The following GAPVD1 variants were observed in gnomAD, a reference collection of about 807,000 sequenced individuals.
GAPVD1 encodes the protein GTPase-activating protein and VPS9 domain-containing protein 1.
Under a neutral mutation model 155.5 loss-of-function variants are expected in GAPVD1, and 35 were observed. That is an observed-to-expected ratio of 0.23 (90% CI 0.17 to 0.30). The LOEUF is 0.30. Ranked by LOEUF, GAPVD1 falls within the 10% of genes least tolerant of loss-of-function variation. GAPVD1 has a pLI of 1.00. For missense variants in GAPVD1, 1,429 were observed against 1,775.7 expected (o/e 0.80, Z 3.51); for synonymous variants, 636 against 619.7 (o/e 1.03, Z -0.39).
intron 2 of GAPVD1, among the ~76,000 whole-genome samples, chr9:125,287,264 G>A (rs1379620301): frequency 2.6e-5 from 4 of 151,792 alleles, no homozygotes; most frequent in Admixed American, 1.3e-4. Context: ...TGGGCCGGGC[G>A]CAGTGGCTCA....
intron 10 of GAPVD1, among the ~76,000 whole-genome samples, chr9:125,323,200 G>A (rs13290401): frequency 0.47 from 71,154 of 151,426 alleles, 16,829 homozygotes; most frequent in Middle Eastern, 0.58. Context: ...TTTGCCTCCC[G>A]GGTTCAAGCA....
chr9:125,291,635 T>C (rs1201496031), intron 2 of GAPVD1, among the ~76,000 whole-genome samples: 1 of 151,398 alleles, frequency 6.6e-6, no homozygotes, highest in Non-Finnish European at 1.5e-5. Context: ...GGATGATAGG[T>C]GGTATGGTTT....
In GAPVD1 at chr9:125,366,296, C is replaced by G. The variant is rs1211625726; in HGVS notation, c.*3550C>G. 6.6e-6 allele frequency: 1 copy of G among 152,190 alleles called. No individual in the cohort carries two copies. Among genetic ancestry groups the G allele is most frequent in the African/African-American group, 2.4e-5 (1 of 41,446 alleles). 9.4% of individuals were successfully genotyped at this position (152,190 alleles called of 1,614,324 possible). A position where few individuals can be genotyped will look rare whatever the true frequency, so the allele number is the denominator to read the frequency against. On this transcript the variant is annotated 3_prime_UTR_variant, in exon 28 of 28. Transcript: ENST00000297933. Reference sequence around the variant, plus strand: ...CTGACTGGTGTGCTGAACCCGGGCACTCTTTTTCCTATTGTTTGCCATGGA... The same window carrying G: ...CTGACTGGTGTGCTGAACCCGGGCAGTCTTTTTCCTATTGTTTGCCATGGA...
intron 1 of GAPVD1, among the ~76,000 whole-genome samples, chr9:125,267,891 A>G (rs1267758434): frequency 5.9e-5 from 9 of 151,812 alleles, no homozygotes; most frequent in African/African-American, 1.7e-4. Context: ...GGCCAGGCAC[A>G]GTGGCTCACA....
chr9:125,307,594 A>G lies in GAPVD1; in HGVS notation c.1251+47A>G, dbSNP rs1168049671. On this transcript the variant is annotated intron_variant, in intron 7 of 27. Transcript: ENST00000297933. ...AGAATTTCTCGAAAGTCTTTTAGCT[A>G]AGCGTGAGCAAAAACATACATGAGT... is the stretch of plus-strand genomic sequence containing the variant. 4 of 1,584,344 alleles carry G rather than the reference A, an allele frequency of 2.5e-6. No homozygotes were observed. In the South Asian group the frequency reaches 4.5e-5, roughly 18 times the overall value.
intron 23 of GAPVD1, 83 bp downstream of exon 23, chr9:125,350,955 T>G: frequency 9.1e-7 from 1 of 1,103,902 alleles, no homozygotes; most frequent in South Asian, 1.5e-5. Flanking sequence ...CAGAAATGAA[T>G]CTAGGCTTCC....
At chr9:125,356,480 C>G (rs1850102931) in intron 25 of GAPVD1, among the ~76,000 whole-genome samples, 1 of 152,052 alleles carries the variant, frequency 6.6e-6, no homozygotes, top group Admixed American at 6.6e-5. Context: ...AAAATTCTCC[C>G]CTGTTCTTTT....
At chr9:125,288,070 GTTGTTTTTAATGTT>G (rs1837999714) in intron 2 of GAPVD1, among the ~76,000 whole-genome samples, 1 of 149,886 alleles carries the variant, frequency 6.7e-6, no homozygotes, top group Admixed American at 6.7e-5. Flanking sequence ...ACTTCCAGAT[GTTGTTTTTAATGTT>G]TTTGGTGCAG....
chr9:125,275,541 G>A (rs1293627127), intron 2 of GAPVD1, among the ~76,000 whole-genome samples: 2 of 152,056 alleles, frequency 1.3e-5, no homozygotes, highest in Admixed American at 6.6e-5. Context: ...TTGAGCCCAG[G>A]AGTTTGAGGC....
At chr9:125,305,499 T>C (rs1318061687) in intron 6 of GAPVD1, among the ~76,000 whole-genome samples, 2 of 151,332 alleles carry the variant, frequency 1.3e-5, no homozygotes, top group African/African-American at 4.9e-5. Context: ...GCCTCCCCAG[T>C]AACTGGGATC....
chr9:125,314,182 C>A (rs1034639876), intron 9 of GAPVD1, among the ~76,000 whole-genome samples: 7 of 152,052 alleles, frequency 4.6e-5, no homozygotes, highest in Non-Finnish European at 7.4e-5. Flanking sequence ...AGTATTCCTG[C>A]ATTATAGAGC....
chr9:125,354,707 C>G lies in GAPVD1; in HGVS notation c.3623C>G (p.Thr1208Ser), dbSNP rs1326054290. 1.2e-6 allele frequency: 2 copies of G among 1,613,564 alleles called. No individual in the cohort carries two copies. Among genetic ancestry groups the G allele is most frequent in the East Asian group, 2.2e-5 (1 of 44,884 alleles). ...ACTCGTTGTCGACAAGGACTACAGA[C>G]CACACAGGCTCACCTGGAAAGGCTA... ...YLTRCRQGLQTTQAHLERLLQ... is the reference protein window; with the variant it reads ...YLTRCRQGLQSTQAHLERLLQ... Residue 1208 changes from threonine to serine, a missense_variant, in exon 24 of 28, where the codon ACC (threonine) becomes AGC (serine). Thr to Ser is a moderately conservative substitution (Grantham distance 58). Coordinates refer to ENST00000297933, the MANE Select transcript of GAPVD1 (RefSeq NM_001282680.3).
At chr9:125,289,033 G>A (rs1481132821) in intron 2 of GAPVD1, among the ~76,000 whole-genome samples, 1 of 152,194 alleles carries the variant, frequency 6.6e-6, no homozygotes, top group Non-Finnish European at 1.5e-5. Flanking sequence ...TGTCTGGCAC[G>A]TCTGACAATA....
chr9:125,354,822 G>C lies in GAPVD1; in HGVS notation c.3738G>C (p.Lys1246Asn), dbSNP rs1208797137. ...VRLLLESKEK[K>N]IREFIQDFQK... The stretch of plus-strand genomic sequence containing the variant: ...TACTGCTTGAGAGCAAAGAAAAGAA[G>C]ATCAGGGAATTCATTCAAGGTAACT... Residue 1246 changes from lysine to asparagine, a missense_variant, in exon 24 of 28, where the codon AAG becomes AAC. Lys to Asn is a moderately conservative substitution (Grantham distance 94). Transcript: ENST00000297933. The C allele has an allele frequency of 2.5e-6, 4 of 1,612,822 alleles. No homozygotes were observed. Among genetic ancestry groups the C allele is most frequent in the South Asian group, 1.1e-5 (1 of 91,052 alleles).
chr9:125,286,475 G>GTT (rs562488032), intron 2 of GAPVD1, among the ~76,000 whole-genome samples: 4 of 145,340 alleles, frequency 2.8e-5, no homozygotes, highest in African/African-American at 7.5e-5. Flanking sequence ...TCAAAGTCTA[G>GTT]TTTTTTTTTT....
chr9:125,307,610 A>G, intron 7 of GAPVD1, 63 bp downstream of exon 7: 1 of 1,562,628 alleles, frequency 6.4e-7, no homozygotes, highest in Non-Finnish European at 8.8e-7. Context: ...GAGCAAAAAC[A>G]TACATGAGTA....
intron 10 of GAPVD1, among the ~76,000 whole-genome samples, chr9:125,322,586 T>C (rs1844495946): frequency 6.6e-6 from 1 of 152,176 alleles, no homozygotes; most frequent in Admixed American, 6.5e-5. Flanking sequence ...GTTTATCCTG[T>C]TTTGTAACCT....
intron 2 of GAPVD1, among the ~76,000 whole-genome samples, chr9:125,274,330 T>G (rs984435393): frequency 6.6e-6 from 1 of 152,072 alleles, no homozygotes; most frequent in African/African-American, 2.4e-5. Flanking sequence ...TTCTTTGTTT[T>G]TTTAAAAAAA....
At chr9:125,327,439 G>A (rs2131663174) in intron 12 of GAPVD1, among the ~76,000 whole-genome samples, 1 of 152,212 alleles carries the variant, frequency 6.6e-6, no homozygotes, top group East Asian at 1.9e-4. Context: ...TGTTGCTGGG[G>A]TTTGGTGTAC....
Sources: allele counts gnomAD v4.1 joint callset (sites outside exome capture counted in the v4.1 genomes callset), GRCh38; gene constraint gnomAD v4.1.1; transcripts MANE v1.5; gene names NCBI Gene and HGNC (gene_info 2026-07-23, HGNC 2026-07-21).